ST3GAL1: variants seen among roughly 807,000 people sequenced by gnomAD.
ST3GAL1 encodes the protein ST3 beta-galactoside alpha-2,3-sialyltransferase 1, also known as CMP-N-acetylneuraminate-beta-galactosamide-alpha-2,3-sialyltransferase 1.
Under a neutral mutation model 34.1 loss-of-function variants are expected in ST3GAL1, and 16 were observed. The observed-to-expected ratio is 0.47, with a 90% CI of 0.32 to 0.71. The LOEUF (loss-of-function observed/expected upper bound fraction) is 0.71. Ranked by LOEUF, ST3GAL1 falls within the 30% of genes least tolerant of loss-of-function variation. The probability of loss-of-function intolerance (pLI) is 0.04; values close to 1 mark genes in which losing one functional copy is unlikely to be tolerated. For missense variants in ST3GAL1, 353 were observed against 447.4 expected (o/e 0.79, Z 1.90); for synonymous variants, 191 against 184.7 (o/e 1.03, Z -0.28).
At chr8:133,564,772 T>C (rs1819342541) in intron 1 of ST3GAL1, among the ~76,000 whole-genome samples, 2 of 152,214 alleles carry the variant, frequency 1.3e-5, no homozygotes, top group Non-Finnish European at 2.9e-5. Flanking sequence ...TGTTTAGTTT[T>C]CACATCAACT....
rs1209540597 is a variant in ST3GAL1 at position 133,541,147 on chromosome 8, A to AGAGAGAGAGG, written c.-429+4626_-429+4627insCCTCTCTCTC. 8.1e-4 allele frequency among the ~76,000 whole-genome samples: 102 copies of AGAGAGAGAGG among 125,452 alleles called. 8 individuals are homozygous for AGAGAGAGAGG. Among genetic ancestry groups the AGAGAGAGAGG allele is most frequent in the African/African-American group, 3.8e-3 (98 of 25,490 alleles). 82.3% of individuals were successfully genotyped at this position (125,452 alleles called of 152,430 possible). A position where few individuals can be genotyped will look rare whatever the true frequency, so the allele number is the denominator to read the frequency against. On this transcript the variant is annotated intron_variant, in intron 2 of 9. Coordinates refer to ENST00000522652, the MANE Select transcript of ST3GAL1 (RefSeq NM_173344.3). ...GAGAGAGAGAGAGAGAGAGAGAGAG[A>AGAGAGAGAGG]GAGAGACTGTGTGTCTCTCCCTCTT...
At chr8:133,545,344 A>C (rs1319164653) in intron 2 of ST3GAL1, among the ~76,000 whole-genome samples, 1 of 152,238 alleles carries the variant, frequency 6.6e-6, no homozygotes, top group Non-Finnish European at 1.5e-5. Context: ...GCGCCAGCAA[A>C]GCTTTATTTA....
At position 133,464,948 on chromosome 8, in the gene ST3GAL1, CTTG is replaced by C. The variant is rs1815677309; in HGVS notation, c.510_512del (p.Asn170del). The C allele has an allele frequency of 6.2e-7, 1 of 1,612,728 alleles. No homozygotes were observed. Among genetic ancestry groups the C allele is most frequent in the African/African-American group, 1.3e-5 (1 of 74,828 alleles). ...CAGCTTCAAACCCTGCCGTGGGCGC[CTTG>C]TTCATCCTGGGAGAGAAGGGGAGAA... On this transcript the variant is annotated inframe_deletion, in exon 7 of 10. Transcript: ENST00000522652.
intron 2 of ST3GAL1, among the ~76,000 whole-genome samples, chr8:133,522,762 A>G (rs1563725962): frequency 1.3e-5 from 2 of 152,214 alleles, no homozygotes; most frequent in Non-Finnish European, 2.9e-5. Flanking sequence ...ACACTCCACA[A>G]GCACACACTA....
At chr8:133,462,641 A>C (rs1225470821) in intron 8 of ST3GAL1, among the ~76,000 whole-genome samples, 1 of 152,168 alleles carries the variant, frequency 6.6e-6, no homozygotes, top group Non-Finnish European at 1.5e-5. Flanking sequence ...CCAGAAAGCC[A>C]AACTCCAGCC....
intron 1 of ST3GAL1, among the ~76,000 whole-genome samples, chr8:133,557,246 A>AAGGAAGTGAGGAGACTGTGC (rs1819066494): frequency 6.6e-6 from 1 of 152,302 alleles, no homozygotes; most frequent in Admixed American, 6.5e-5. Flanking sequence ...GGGAGGTCTA[A>AAGGAAGTGAGGAGACTGTGC]AGGAAGTGAG....
intron 3 of ST3GAL1, among the ~76,000 whole-genome samples, chr8:133,486,097 G>C (rs557053139): frequency 1.1e-4 from 16 of 152,204 alleles, no homozygotes; most frequent in Non-Finnish European, 2.2e-4. Flanking sequence ...TCAGAGCTGG[G>C]ACAGAGGCCC....
At chr8:133,490,101 C>T (rs995141216) in intron 3 of ST3GAL1, among the ~76,000 whole-genome samples, 1 of 152,154 alleles carries the variant, frequency 6.6e-6, no homozygotes, top group African/African-American at 2.4e-5. Context: ...GCTCTTTGGG[C>T]AGAGAAGGAA....
intron 2 of ST3GAL1, among the ~76,000 whole-genome samples, chr8:133,534,049 A>G (rs1818233072): frequency 6.6e-6 from 1 of 152,160 alleles, no homozygotes. Flanking sequence ...TGGGGATTCA[A>G]TGGGGAAAAA....
chr8:133,490,085 G>A (rs899444065), intron 3 of ST3GAL1, among the ~76,000 whole-genome samples: 3 of 152,190 alleles, frequency 2.0e-5, no homozygotes, highest in Admixed American at 2.0e-4. Context: ...CTTCGGGCAG[G>A]CATTTGCTCT....
rs1042996267 is a variant in ST3GAL1, at chr8:133,469,102, A to T, written c.307-3012T>A. Among the ~76,000 whole-genome samples, 7 of 152,170 alleles carry T rather than the reference A, an allele frequency of 4.6e-5. No individual in the cohort carries two copies. Among genetic ancestry groups the T allele is most frequent in the Admixed American group, 1.3e-4 (2 of 15,276 alleles). On this transcript the variant is annotated intron_variant, in intron 5 of 9. Transcript: ENST00000522652. This position sits in a 1 kb window ranked among gnomAD's most constrained non-coding sequence, Gnocchi z 4.3. ...AGCCAGGACTCAAGCTCGGCCATGG[A>T]CGTGTGTGGAGAGTATGCTGCCTGC...
intron 2 of ST3GAL1, among the ~76,000 whole-genome samples, chr8:133,525,175 C>A (rs1469779586): frequency 2.0e-5 from 3 of 152,236 alleles, no homozygotes; most frequent in Non-Finnish European, 2.9e-5. Flanking sequence ...AGGAGACCTG[C>A]AGTGGGTAGC....
chr8:133,492,978 C>T (rs68108857), intron 3 of ST3GAL1, among the ~76,000 whole-genome samples: 14,332 of 152,200 alleles, frequency 0.094, 869 homozygotes, highest in South Asian at 0.2. Context: ...AACTGAGCTA[C>T]GCCGAATGAC....
intron 2 of ST3GAL1, among the ~76,000 whole-genome samples, chr8:133,522,181 T>A (rs1817831577): frequency 6.6e-6 from 1 of 152,130 alleles, no homozygotes; most frequent in African/African-American, 2.4e-5. Flanking sequence ...TCCTAGAAGC[T>A]TATACCCAAA....
chr8:133,463,449 G>C lies in ST3GAL1; in HGVS notation c.694C>G (p.Pro232Ala), dbSNP rs554614714. Reference sequence around the variant, plus strand: ...TTCACTCTGATCTTTGCAGGAACCGGGATGTAGGTGCTGCAGTTGGAGAAA... The same window carrying C: ...TTCACTCTGATCTTTGCAGGAACCGCGATGTAGGTGCTGCAGTTGGAGAAA... ...TTGTISHTYI[P>A]VPAKIRVKQD... Residue 232 changes from proline to alanine, a missense_variant, in exon 8 of 10, where the codon CCG becomes GCG. Transcript: ENST00000522652. 1.9e-6 allele frequency: 3 copies of C among 1,613,968 alleles called. No individual in the cohort carries two copies. The highest frequency in any genetic ancestry group is 8.5e-7 in the Non-Finnish European group (1 of 1,179,986).
At chr8:133,482,782 T>A (rs537407818) in intron 3 of ST3GAL1, among the ~76,000 whole-genome samples, 75 of 152,306 alleles carry the variant, frequency 4.9e-4, no homozygotes, top group Middle Eastern at 3.4e-3. Flanking sequence ...CCTCAAACCT[T>A]CCAGTAAGAA....
At chr8:133,475,582 C>A (rs1282272002) in intron 5 of ST3GAL1, 137 bp downstream of exon 5, 6 of 1,042,124 alleles carry the variant, frequency 5.8e-6, no homozygotes, top group Non-Finnish European at 6.7e-6. Context: ...CATTACCAGA[C>A]CCCTACCCTC....
chr8:133,556,706 T>C lies in ST3GAL1; in HGVS notation c.-581-10780A>G, dbSNP rs1013409741. On this transcript the variant is annotated intron_variant, in intron 1 of 9. Transcript: ENST00000522652. This position sits in a 1 kb window ranked among gnomAD's most constrained non-coding sequence, Gnocchi z 8.9. ...AAGAAAACTATTAGCCATGGAAACC[T>C]TGCACCCAAGGACACGGCTGACATC... 2.0e-5 allele frequency among the ~76,000 whole-genome samples: 3 copies of C among 152,140 alleles called. No individual in the cohort carries two copies. Among genetic ancestry groups the C allele is most frequent in the Admixed American group, 6.5e-5 (1 of 15,268 alleles).
chr8:133,504,827 T>C (rs540810831), intron 2 of ST3GAL1, among the ~76,000 whole-genome samples: 1 of 152,120 alleles, frequency 6.6e-6, no homozygotes, highest in South Asian at 2.1e-4. Context: ...GGAATTCTAG[T>C]CTTGGAGGGT....
Sources: allele counts gnomAD v4.1 joint callset (sites outside exome capture counted in the v4.1 genomes callset), GRCh38; gene constraint gnomAD v4.1.1; non-coding constraint Gnocchi (gnomAD v3.1); transcripts MANE v1.5; gene names NCBI Gene and HGNC (gene_info 2026-07-23, HGNC 2026-07-21).